ELMO1: variants seen among roughly 807,000 people sequenced by gnomAD.
ELMO1 encodes engulfment and cell motility 1.
Under a neutral mutation model 98.9 loss-of-function variants are expected in ELMO1, and 26 were observed. The ratio of observed to expected loss-of-function variants is 0.26; its 90% CI spans 0.19 to 0.36. ELMO1 has a LOEUF of 0.36. ELMO1 is among the 10% of genes least tolerant of loss of function. The probability of loss-of-function intolerance (pLI) is 1.00; values close to 1 mark genes in which losing one functional copy is unlikely to be tolerated. For synonymous variants in ELMO1, 346 were observed against 346.0 expected (o/e 1.00, Z 0.00); for missense variants, 627 against 935.2 (o/e 0.67, Z 4.30).
chr7:37,081,173 G>GA (rs1317043603), intron 15 of ELMO1, among the ~76,000 whole-genome samples: 8 of 151,576 alleles, frequency 5.3e-5, no homozygotes, highest in Non-Finnish European at 7.4e-5. Flanking sequence ...CTCTTTATAA[G>GA]AAAAAAAATT....
intron 15 of ELMO1, among the ~76,000 whole-genome samples, chr7:37,038,482 A>G (rs1341227779): frequency 6.6e-6 from 1 of 152,216 alleles, no homozygotes; most frequent in Non-Finnish European, 1.5e-5. Flanking sequence ...AAGGATGCTC[A>G]AGGTATTTTG....
At chr7:37,409,132 G>GAAAAA (rs34728296) in intron 1 of ELMO1, among the ~76,000 whole-genome samples, 2 of 138,430 alleles carry the variant, frequency 1.4e-5, no homozygotes, top group East Asian at 2.1e-4. Flanking sequence ...TTTTGCAAGT[G>GAAAAA]AAAAAAAAAA....
intron 8 of ELMO1, among the ~76,000 whole-genome samples, chr7:37,225,810 T>C (rs1245630253): frequency 1.3e-5 from 2 of 152,150 alleles, no homozygotes; most frequent in Non-Finnish European, 2.9e-5. Context: ...TCCAAACACA[T>C]GGGTACCATA....
chr7:37,275,803 T>A (rs565988361), intron 4 of ELMO1, among the ~76,000 whole-genome samples: 2 of 152,278 alleles, frequency 1.3e-5, no homozygotes, highest in African/African-American at 4.8e-5. Context: ...AATGTTAAGG[T>A]CCTGACAGAA....
At chr7:37,297,917 C>G (rs1353049650) in intron 4 of ELMO1, among the ~76,000 whole-genome samples, 1 of 152,136 alleles carries the variant, frequency 6.6e-6, no homozygotes. Context: ...TTGTAAAACA[C>G]AAATATACTT....
intron 16 of ELMO1, among the ~76,000 whole-genome samples, chr7:37,003,434 T>C (rs979821120): frequency 5.9e-5 from 9 of 152,192 alleles, no homozygotes; most frequent in Non-Finnish European, 8.8e-5. Flanking sequence ...TTTGATATCT[T>C]CTTCTGGCCT....
At chr7:37,072,270 G>A (rs907592889) in intron 15 of ELMO1, among the ~76,000 whole-genome samples, 1 of 152,160 alleles carries the variant, frequency 6.6e-6, no homozygotes, top group Non-Finnish European at 1.5e-5. Context: ...GTTGTAGGAG[G>A]AGCCTGGTGG....
intron 8 of ELMO1, among the ~76,000 whole-genome samples, chr7:37,230,906 A>T (rs1461630583): frequency 6.6e-6 from 1 of 152,210 alleles, no homozygotes; most frequent in Non-Finnish European, 1.5e-5. Context: ...CAAAGGTGGC[A>T]GGAAAGTACT....
intron 1 of ELMO1, among the ~76,000 whole-genome samples, chr7:37,349,503 G>A (rs1275890345): frequency 1.3e-5 from 2 of 151,844 alleles, no homozygotes; most frequent in Non-Finnish European, 2.9e-5. Flanking sequence ...ACCCAGGCTG[G>A]AGTGCAGTGG....
chr7:36,927,176 C>G lies in ELMO1; in HGVS notation c.1438-32159G>C, dbSNP rs181953810. Among the ~76,000 whole-genome samples the G allele has an allele frequency of 4.1e-4, 62 of 152,168 alleles. 1 individual carries two copies. In the East Asian group the frequency reaches 8.7e-3, roughly 21 times the overall value. On this transcript the variant is annotated intron_variant, in intron 16 of 21. Coordinates refer to ENST00000310758, the MANE Select transcript of ELMO1 (RefSeq NM_014800.11). ...ATTCCCATTTTACAGACAAGAAAAC[C>G]GAGGCAACTTGCCTGGGGCCACACC...
At position 37,211,416 on chromosome 7, in the gene ELMO1, G is replaced by A; in HGVS notation, c.1056C>T (p.Tyr352=). ...ACCCAAGCTTCTTATAATCTCGCGT[G>A]TACATGGACTTGCGTTTCTCCATGC... ...SGSMEKRKSM[Y]TRDYKKLGFI... Residue 352 remains tyrosine (Y), a synonymous_variant, in exon 13 of 22, where the codon TAC becomes TAT. Coordinates refer to ENST00000310758, the MANE Select transcript of ELMO1 (RefSeq NM_014800.11). The A allele has an allele frequency of 6.2e-7, 1 of 1,614,044 alleles. No individual in the cohort carries two copies. Among genetic ancestry groups the A allele is most frequent in the South Asian group, 1.1e-5 (1 of 91,088 alleles).
intron 1 of ELMO1, among the ~76,000 whole-genome samples, chr7:37,398,018 G>A (rs1032592020): frequency 2.0e-5 from 3 of 152,142 alleles, no homozygotes; most frequent in Non-Finnish European, 4.4e-5. Flanking sequence ...GTGGGATATG[G>A]GGAAGGAGAG....
At chr7:37,337,270 G>A (rs955633727) in intron 2 of ELMO1, among the ~76,000 whole-genome samples, 13 of 151,848 alleles carry the variant, frequency 8.6e-5, no homozygotes, top group East Asian at 5.8e-4. Flanking sequence ...GCAAACTATC[G>A]CAGGGACAGA....
chr7:37,338,969 G>A (rs1452083160), intron 2 of ELMO1, among the ~76,000 whole-genome samples: 1 of 152,204 alleles, frequency 6.6e-6, no homozygotes, highest in Non-Finnish European at 1.5e-5. Context: ...ACGTCCCTCT[G>A]AAAACTCCAG....
chr7:37,267,326 A>G (rs1462183872), intron 5 of ELMO1, among the ~76,000 whole-genome samples: 2 of 152,216 alleles, frequency 1.3e-5, no homozygotes, highest in Non-Finnish European at 2.9e-5. Context: ...ACAACTGCAC[A>G]GTATTCTACA....
At position 37,133,360 on chromosome 7, in the gene ELMO1, A is replaced by G. The variant is rs193178203; in HGVS notation, c.1087-126T>C. 3.4e-4 allele frequency: 224 copies of G among 650,136 alleles called. No homozygotes were observed. In the African/African-American group the frequency reaches 3.5e-3, roughly 10 times the overall value. 40.3% of individuals were successfully genotyped at this position (650,136 alleles called of 1,614,324 possible). On this transcript the variant is annotated intron_variant, in intron 13 of 21. Transcript: ENST00000310758. ...AAGGTCCAAATAATCAAACATGATGACATTTTCTATCTCCATGTAAACCTA... is the reference window on the plus strand; with the variant it reads ...AAGGTCCAAATAATCAAACATGATGGCATTTTCTATCTCCATGTAAACCTA...
intron 14 of ELMO1, among the ~76,000 whole-genome samples, chr7:37,118,186 G>A (rs777520807): frequency 2.0e-5 from 3 of 152,112 alleles, no homozygotes; most frequent in Admixed American, 6.6e-5. Flanking sequence ...AAGTCTTGGC[G>A]TCGCCTCCAC....
At chr7:37,296,122 T>C (rs902033805) in intron 4 of ELMO1, among the ~76,000 whole-genome samples, 4 of 152,240 alleles carry the variant, frequency 2.6e-5, no homozygotes, top group African/African-American at 9.6e-5. Flanking sequence ...ATCAGGAGTC[T>C]AGCACCTTTT....
At chr7:37,259,700 T>TA (rs1795880709) in intron 5 of ELMO1, among the ~76,000 whole-genome samples, 1 of 152,240 alleles carries the variant, frequency 6.6e-6, no homozygotes, top group South Asian at 2.1e-4. Context: ...ACCCTTTAAG[T>TA]AAAATTATTA....
Sources: gnomAD v4.1 joint callset for allele counts (sites outside exome capture counted in the v4.1 genomes callset) on GRCh38, gnomAD v4.1.1 for gene constraint, MANE v1.5 for transcripts, NCBI Gene and HGNC (gene_info 2026-07-23, HGNC 2026-07-21) for gene names.